FYB1: variants seen among roughly 807,000 people sequenced by gnomAD.
FYB1 encodes the protein FYN binding protein 1.
In FYB1, 41 loss-of-function variants were observed where a neutral mutation model predicts 94.1. The ratio of observed to expected loss-of-function variants is 0.44; its 90% CI spans 0.34 to 0.57. The LOEUF (loss-of-function observed/expected upper bound fraction) is 0.57. Ranked by LOEUF, FYB1 falls within the 20% of genes least tolerant of loss-of-function variation. FYB1 has a pLI of 0.02. For synonymous variants in FYB1, 367 were observed against 353.2 expected (o/e 1.04, Z -0.44); for missense variants, 1,050 against 976.8 (o/e 1.07, Z -1.00).
In FYB1 at chr5:39,273,162, A is replaced by G. The variant is rs528522284; in HGVS notation, c.-28+1241T>C. The stretch of plus-strand genomic sequence containing the variant: ...AGGTGTACCCAACAGCTCATTGAGA[A>G]CGGGCCATGATGACAATGGCGGTTT... On this transcript the variant is annotated intron_variant, in intron 1 of 1. Transcript: ENST00000510188. Among the ~76,000 whole-genome samples the G allele has an allele frequency of 9.3e-4, 142 of 152,282 alleles. 1 individual carries two copies. Among genetic ancestry groups the G allele is most frequent in the African/African-American group, 3.3e-3 (136 of 41,568 alleles).
intron 1 of FYB1, among the ~76,000 whole-genome samples, chr5:39,236,529 A>G (rs892593324): frequency 4.9e-4 from 74 of 152,264 alleles, no homozygotes; most frequent in African/African-American, 1.5e-3. Flanking sequence ...TGCCATATCC[A>G]TAGAGATATA....
chr5:39,268,473 C>A (rs1213555590), intron 1 of FYB1, among the ~76,000 whole-genome samples: 1 of 152,060 alleles, frequency 6.6e-6, no homozygotes, highest in Non-Finnish European at 1.5e-5. Flanking sequence ...CTTAAGTAAT[C>A]CTCCCACTTT....
At chr5:39,126,283 G>C in intron 11 of FYB1, 148 bp from the exon 12 acceptor site, 2 of 837,818 alleles carry the variant, frequency 2.4e-6, no homozygotes, top group South Asian at 4.1e-5. Flanking sequence ...GGACAAAATA[G>C]TGTTATTAAA....
chr5:39,112,606 A>AT (rs1472678758), intron 16 of FYB1, among the ~76,000 whole-genome samples: 1 of 152,096 alleles, frequency 6.6e-6, no homozygotes, highest in African/African-American at 2.4e-5. Context: ...TAGGTAATCT[A>AT]TTTTTTAAAA....
At chr5:39,138,928 AT>A (rs146717945) in intron 5 of FYB1, 78 of 563,742 alleles carry the variant, frequency 1.4e-4, no homozygotes, top group East Asian at 1.9e-4. Flanking sequence ...TATTTAAAAT[AT>A]TTTTTTTCTC....
intron 2 of FYB1, chr5:39,169,864 C>A: frequency 1.8e-6 from 1 of 550,678 alleles, no homozygotes; most frequent in Non-Finnish European, 3.5e-6. Context: ...ACTTGACGTC[C>A]AAGAACTCTG....
intron 1 of FYB1, among the ~76,000 whole-genome samples, chr5:39,212,182 C>T (rs985886330): frequency 3.9e-5 from 6 of 152,084 alleles, no homozygotes; most frequent in Non-Finnish European, 7.4e-5. Flanking sequence ...GTGGTGAGTG[C>T]CTGTAGTCCT....
chr5:39,269,131 G>A (rs1165039786), intron 1 of FYB1, among the ~76,000 whole-genome samples: 2 of 151,560 alleles, frequency 1.3e-5, no homozygotes, highest in African/African-American at 2.4e-5. Flanking sequence ...CTCACTGCAA[G>A]CTCTGCCTCC....
intron 7 of FYB1, 103 bp from the exon 8 acceptor site, chr5:39,135,117 C>T (rs1201096267): frequency 1.1e-5 from 14 of 1,232,320 alleles, no homozygotes; most frequent in African/African-American, 1.5e-5. Flanking sequence ...GCTAAGCTAC[C>T]TATAACCAAC....
At chr5:39,257,929 C>A (rs1752033803) in intron 1 of FYB1, among the ~76,000 whole-genome samples, 1 of 152,166 alleles carries the variant, frequency 6.6e-6, no homozygotes, top group Non-Finnish European at 1.5e-5. Context: ...AGGTTGAGGA[C>A]CACTGATCCA....
At position 39,202,018 on chromosome 5, in the gene FYB1, T is replaced by G; in HGVS notation, c.943A>C (p.Lys315Gln). The change falls in exon 2 of 19, where the codon AAG (lysine) becomes CAG (glutamine). Residue 315 changes from lysine (K) to glutamine (Q), a missense_variant. Physicochemically the swap from Lys to Gln is moderately conservative, Grantham distance 53. Coordinates refer to ENST00000512982, the MANE Select transcript of FYB1 (RefSeq NM_001465.6). ...CCCACTGTCAGCTTAGAAGGGGCCT[T>G]AGGGAACCTGGCAGGAGGAGTCCCT... Reference protein sequence around the residue: ...ASGTPPARFPKAPSKLTVGGP... With the variant: ...ASGTPPARFPQAPSKLTVGGP... The G allele has an allele frequency of 6.2e-7, 1 of 1,614,042 alleles. No individual in the cohort carries two copies. The highest frequency in any genetic ancestry group is 1.1e-5 in the South Asian group (1 of 91,084).
intron 1 of FYB1, among the ~76,000 whole-genome samples, chr5:39,211,870 C>G (rs902562690): frequency 6.6e-6 from 1 of 152,094 alleles, no homozygotes; most frequent in African/African-American, 2.4e-5. Context: ...AAACTGAAAG[C>G]TTATTGTCTA....
intron 1 of FYB1, among the ~76,000 whole-genome samples, chr5:39,249,805 G>A (rs391230): frequency 0.66 from 100,324 of 151,794 alleles, 35,456 homozygotes; most frequent in Non-Finnish European, 0.79. Flanking sequence ...GTGAAAGATG[G>A]TGACTTCATC....
At chr5:39,148,399 T>G (rs1742959570) in intron 3 of FYB1, among the ~76,000 whole-genome samples, 2 of 115,154 alleles carry the variant, frequency 1.7e-5, no homozygotes, top group African/African-American at 6.5e-5. Context: ...TTTTTTTTTT[T>G]TTTTTTTTTT....
At chr5:39,166,517 C>T (rs1561201662) in intron 2 of FYB1, among the ~76,000 whole-genome samples, 1 of 151,438 alleles carries the variant, frequency 6.6e-6, no homozygotes, top group East Asian at 1.9e-4. Context: ...GTACTATTCA[C>T]AATAGCAAAG....
At chr5:39,216,893 T>G (rs1209338456) in intron 1 of FYB1, among the ~76,000 whole-genome samples, 1 of 152,236 alleles carries the variant, frequency 6.6e-6, no homozygotes, top group Non-Finnish European at 1.5e-5. Context: ...AACAAGGTTA[T>G]GTATTGAATT....
intron 2 of FYB1, among the ~76,000 whole-genome samples, chr5:39,175,558 T>G (rs1384944135): frequency 6.6e-6 from 1 of 152,188 alleles, no homozygotes; most frequent in East Asian, 1.9e-4. Flanking sequence ...GAAACGCTGC[T>G]GTGTAATTTA....
chr5:39,221,941 C>T (rs914805216), upstream of FYB1, among the ~76,000 whole-genome samples: 4 of 152,016 alleles, frequency 2.6e-5, no homozygotes, highest in East Asian at 5.8e-4. Context: ...GCGGAGGTTG[C>T]AGTGAGCTGA....
chr5:39,250,507 A>C (rs1333997425), intron 1 of FYB1, among the ~76,000 whole-genome samples: 1 of 152,246 alleles, frequency 6.6e-6, no homozygotes, highest in Non-Finnish European at 1.5e-5. Context: ...AAACAAAATA[A>C]AACAAAAATA....
Sources: gnomAD v4.1 joint callset for allele counts (sites outside exome capture counted in the v4.1 genomes callset) on GRCh38, gnomAD v4.1.1 for gene constraint, MANE v1.5 for transcripts, NCBI Gene and HGNC (gene_info 2026-07-23, HGNC 2026-07-21) for gene names.